Variants in NSUN6 observed in about 807,000 individuals in gnomAD.
NSUN6 encodes the protein tRNA (cytosine(72)-C(5))-methyltransferase NSUN6.
In NSUN6, 64 loss-of-function variants were observed where a neutral mutation model predicts 58.0. The ratio of observed to expected loss-of-function variants is 1.10; its 90% confidence interval spans 0.90 to 1.36. NSUN6 has a LOEUF of 1.36. Among genes scored for constraint, NSUN6 ranks in the 40% most tolerant of loss-of-function variants. The pLI, the probability that NSUN6 is intolerant of heterozygous loss-of-function variation, is 0.00. For synonymous variants in NSUN6, 231 were observed against 193.9 expected, an observed-to-expected ratio of 1.19 and a Z score of -1.59; for missense variants, 701 against 550.1, an observed-to-expected ratio of 1.27 and a Z score of -2.74.
At chr10:18,632,817 A>G (rs1430562877) in intron 3 of NSUN6, among the ~76,000 whole-genome samples, 2 of 152,210 alleles carry the variant, frequency 1.3e-5, no homozygotes, top group Non-Finnish European at 2.9e-5. Flanking sequence ...GGGACTGTCA[A>G]CTAGTTCAAC....
At chr10:18,655,092 G>C, upstream of NSUN6, 1 of 982,602 alleles carries the variant, frequency 1.0e-6, no homozygotes, top group Non-Finnish European at 1.2e-6. Context: ...TTTGCTTTGG[G>C]GAACACTTCT....
chr10:18,586,500 T>C (rs770293076), intron 7 of NSUN6, among the ~76,000 whole-genome samples: 2 of 151,868 alleles, frequency 1.3e-5, no homozygotes, highest in African/African-American at 2.4e-5. Flanking sequence ...CAGTTGTTTG[T>C]TCCTCCGGGT....
chr10:18,623,007 A>G (rs2058666651), intron 3 of NSUN6, among the ~76,000 whole-genome samples: 1 of 152,242 alleles, frequency 6.6e-6, no homozygotes, highest in African/African-American at 2.4e-5. Context: ...TCTTGTATCA[A>G]GACAAGTCTG....
At position 18,551,976 on chromosome 10, in the gene NSUN6, A is replaced by G. The variant is rs757010662; in HGVS notation, c.923-5T>C. 1.3e-6 allele frequency: 2 copies of G among 1,578,886 alleles called. No individual in the cohort carries two copies. The highest frequency in any genetic ancestry group is 1.1e-5 in the South Asian group (1 of 88,506). On this transcript the variant is annotated splice_region_variant and splice_polypyrimidine_tract_variant and intron_variant, in intron 8 of 10. Coordinates refer to ENST00000377304, the MANE Select transcript of NSUN6 (RefSeq NM_182543.5). ...CTGGTAGAAATGGAGGTTCTCCTAT[A>G]AAGAGAATTATAATCATGTTTACTA...
intron 6 of NSUN6, 148 bp downstream of exon 6, chr10:18,609,697 G>GT: frequency 2.1e-6 from 1 of 477,560 alleles, no homozygotes; most frequent in Non-Finnish European, 3.8e-6. Flanking sequence ...TGCTTGTAAA[G>GT]TTTTTTCTTA....
chr10:18,592,781 A>G (rs1370805575), intron 7 of NSUN6, among the ~76,000 whole-genome samples: 1 of 152,204 alleles, frequency 6.6e-6, no homozygotes, highest in Non-Finnish European at 1.5e-5. Context: ...AGGCATTACC[A>G]TTCAGGACAC....
intron 9 of NSUN6, 83 bp downstream of exon 9, chr10:18,551,740 C>T: frequency 8.3e-7 from 1 of 1,201,272 alleles, no homozygotes. Flanking sequence ...GTAATGAACG[C>T]TGCTATGGAG....
chr10:18,622,226 C>T (rs2058634321), intron 3 of NSUN6, among the ~76,000 whole-genome samples: 1 of 152,100 alleles, frequency 6.6e-6, no homozygotes, highest in South Asian at 2.1e-4. Context: ...GGATCAGTGC[C>T]TTTATACGAG....
chr10:18,565,548 G>A (rs1054291304), intron 8 of NSUN6, among the ~76,000 whole-genome samples: 11 of 139,634 alleles, frequency 7.9e-5, no homozygotes, highest in African/African-American at 1.9e-4. Context: ...TCCATTCTCC[G>A]TGGCATTCCA....
chr10:18,610,422 C>G (rs1336544702), intron 5 of NSUN6, among the ~76,000 whole-genome samples: 1 of 152,132 alleles, frequency 6.6e-6, no homozygotes, highest in Non-Finnish European at 1.5e-5. Context: ...GAATTTTTAC[C>G]TGCAGAATAC....
intron 8 of NSUN6, among the ~76,000 whole-genome samples, chr10:18,552,655 A>G (rs1049350908): frequency 1.3e-5 from 2 of 150,930 alleles, no homozygotes; most frequent in Non-Finnish European, 3.0e-5. Context: ...TCCATTCCCC[A>G]TTCTATTCCA....
At chr10:18,613,776 A>G (rs2058318041) in intron 5 of NSUN6, among the ~76,000 whole-genome samples, 1 of 152,176 alleles carries the variant, frequency 6.6e-6, no homozygotes, top group African/African-American at 2.4e-5. Context: ...AAACTGTTCC[A>G]CCAATTAGGG....
chr10:18,625,489 G>C (rs572656989), intron 3 of NSUN6, among the ~76,000 whole-genome samples: 1 of 152,084 alleles, frequency 6.6e-6, no homozygotes, highest in African/African-American at 2.4e-5. Flanking sequence ...GAGGTTGGTG[G>C]ATCACCCGAT....
chr10:18,650,241 T>C (rs541673857), intron 1 of NSUN6, among the ~76,000 whole-genome samples: 12 of 151,938 alleles, frequency 7.9e-5, no homozygotes, highest in African/African-American at 2.9e-4. Flanking sequence ...AAAATATTTT[T>C]AACTTGACTA....
intron 7 of NSUN6, among the ~76,000 whole-genome samples, chr10:18,590,952 G>A (rs2131161499): frequency 6.6e-6 from 1 of 152,208 alleles, no homozygotes; most frequent in East Asian, 1.9e-4. Flanking sequence ...GAATTGAGGA[G>A]CTGGTTTTTT....
chr10:18,644,450 G>A (rs2059479511), intron 2 of NSUN6, among the ~76,000 whole-genome samples: 1 of 151,544 alleles, frequency 6.6e-6, no homozygotes, highest in African/African-American at 2.4e-5. Context: ...ATGCTACTGT[G>A]CTGCTTAGTT....
chr10:18,574,821 G>A (rs530398091), intron 8 of NSUN6, among the ~76,000 whole-genome samples: 149 of 152,220 alleles, frequency 9.8e-4, no homozygotes, highest in South Asian at 1.5e-3. Flanking sequence ...CTAATCACCC[G>A]AGTACTGAAT....
intron 9 of NSUN6, 36 bp downstream of exon 9, chr10:18,551,787 G>C: frequency 1.3e-6 from 2 of 1,590,426 alleles, no homozygotes; most frequent in East Asian, 2.2e-5. Context: ...AGTAGCAAAA[G>C]TTAACTTTGT....
At chr10:18,621,348 G>T (rs910544526) in intron 3 of NSUN6, among the ~76,000 whole-genome samples, 1 of 152,144 alleles carries the variant, frequency 6.6e-6, no homozygotes, top group Non-Finnish European at 1.5e-5. Context: ...TTCTTTCACT[G>T]TAACAAATCA....
Sources: allele counts gnomAD v4.1 joint callset (sites outside exome capture counted in the v4.1 genomes callset), GRCh38; gene constraint gnomAD v4.1.1; transcripts MANE v1.5; gene names NCBI Gene and HGNC (gene_info 2026-07-23, HGNC 2026-07-21).